MYO5A: variants seen among roughly 807,000 people sequenced by gnomAD.
MYO5A encodes the protein myosin VA.
Under a neutral mutation model 249.7 loss-of-function variants are expected in MYO5A, and 98 were observed. The ratio of observed to expected loss-of-function variants is 0.39; its 90% CI spans 0.33 to 0.46. The LOEUF (loss-of-function observed/expected upper bound fraction) is 0.46. Among genes scored for constraint, MYO5A ranks in the 20% least tolerant of loss-of-function variants. The probability of loss-of-function intolerance (pLI) is 0.98; values close to 1 mark genes in which losing one functional copy is unlikely to be tolerated. For missense variants in MYO5A, 1,696 were observed against 2,308.8 expected (o/e 0.73, Z 5.44); for synonymous variants, 778 against 810.6 (o/e 0.96, Z 0.68).
chr15:52,459,835 C>G (rs2076204611), intron 1 of MYO5A, among the ~76,000 whole-genome samples: 1 of 141,742 alleles, frequency 7.1e-6, no homozygotes, highest in Non-Finnish European at 1.5e-5. Context: ...GCAGAGGGGC[C>G]CCCGATCTCC....
At chr15:52,481,898 G>A (rs1161131465) in intron 1 of MYO5A, among the ~76,000 whole-genome samples, 2 of 152,218 alleles carry the variant, frequency 1.3e-5, no homozygotes, top group Non-Finnish European at 2.9e-5. Flanking sequence ...ATGTGGTTAT[G>A]CATGTTGGAC....
chr15:52,478,628 G>C (rs1333926538), intron 1 of MYO5A, among the ~76,000 whole-genome samples: 1 of 152,170 alleles, frequency 6.6e-6, no homozygotes, highest in African/African-American at 2.4e-5. Flanking sequence ...CTGGCATTAA[G>C]TTCTTCAGCT....
chr15:52,499,708 C>A (rs111488678), intron 1 of MYO5A, among the ~76,000 whole-genome samples: 2 of 152,126 alleles, frequency 1.3e-5, no homozygotes, highest in African/African-American at 4.8e-5. Context: ...TATAAATACA[C>A]GACATTTTGT....
chr15:52,509,875 C>T (rs1429634414), intron 1 of MYO5A, among the ~76,000 whole-genome samples: 4 of 151,568 alleles, frequency 2.6e-5, no homozygotes, highest in South Asian at 2.1e-4. Context: ...GTGCCATTCT[C>T]CTTCTCTAAT....
chr15:52,426,317 G>GTT (rs33984064), intron 3 of MYO5A, among the ~76,000 whole-genome samples: 13 of 141,736 alleles, frequency 9.2e-5, no homozygotes, highest in South Asian at 4.4e-4. Flanking sequence ...CATGCAAAGA[G>GTT]TTTTTTTTTT....
intron 1 of MYO5A, among the ~76,000 whole-genome samples, chr15:52,456,187 A>C (rs1239929978): frequency 6.6e-6 from 1 of 152,188 alleles, no homozygotes; most frequent in Non-Finnish European, 1.5e-5. Flanking sequence ...CTGAAAAAGA[A>C]ATCAAGAAAT....
intron 1 of MYO5A, among the ~76,000 whole-genome samples, chr15:52,515,936 A>G (rs1454981523): frequency 6.6e-6 from 1 of 152,182 alleles, no homozygotes; most frequent in South Asian, 2.1e-4. Flanking sequence ...GAGAGAAAGG[A>G]GAATGACAGC....
chr15:52,505,178 C>A, intron 1 of MYO5A: 1 of 756,234 alleles, frequency 1.3e-6, no homozygotes, highest in East Asian at 2.4e-5. Flanking sequence ...CTCTCAGATA[C>A]AGCCAAAGCC....
chr15:52,353,823 T>C (rs758553339), intron 26 of MYO5A, 48 bp downstream of exon 26: 1 of 1,610,784 alleles, frequency 6.2e-7, no homozygotes, highest in Non-Finnish European at 8.5e-7. Flanking sequence ...ACTGCTGAAA[T>C]GGACATAAAG....
intron 14 of MYO5A, among the ~76,000 whole-genome samples, chr15:52,385,877 C>T (rs2041953274): frequency 6.6e-6 from 1 of 152,134 alleles, no homozygotes; most frequent in Admixed American, 6.5e-5. Flanking sequence ...CACACTGTCC[C>T]CACTTCAATG....
At chr15:52,376,966 G>C (rs1249993750) in intron 18 of MYO5A, among the ~76,000 whole-genome samples, 4 of 152,190 alleles carry the variant, frequency 2.6e-5, no homozygotes, top group Non-Finnish European at 5.9e-5. Context: ...AAAAACACCA[G>C]TGTGAAGAAT....
At chr15:52,440,736 G>A (rs920919360) in intron 1 of MYO5A, among the ~76,000 whole-genome samples, 2 of 152,096 alleles carry the variant, frequency 1.3e-5, no homozygotes, top group Admixed American at 1.3e-4. Context: ...GACACTTTTG[G>A]GAACAAAACT....
Position 52,391,913 on chromosome 15 carries a change from C to A in MYO5A, c.1542+17G>T. The A allele has an allele frequency of 6.2e-7, 1 of 1,611,142 alleles. No individual in the cohort carries two copies. The highest frequency in any genetic ancestry group is 1.1e-5 in the South Asian group (1 of 90,986). On this transcript the variant is annotated intron_variant, in intron 12 of 41. Transcript: ENST00000399233. ...ATCTATTTTGATAAACCAAGTACCC[C>A]AGGAAATCATACTTACCTTGCATTC...
intron 1 of MYO5A, among the ~76,000 whole-genome samples, chr15:52,466,311 G>C (rs2076351617): frequency 1.3e-5 from 2 of 152,196 alleles, no homozygotes; most frequent in Non-Finnish European, 2.9e-5. Context: ...AGCCAGAACT[G>C]AGAAATGAGT....
chr15:52,482,998 C>T (rs979353646), intron 1 of MYO5A, among the ~76,000 whole-genome samples: 22 of 152,118 alleles, frequency 1.4e-4, no homozygotes, highest in African/African-American at 5.3e-4. Context: ...GATAAGGAAC[C>T]AGAGAAGAGC....
At chr15:52,399,357 G>A (rs1042477578) in intron 9 of MYO5A, among the ~76,000 whole-genome samples, 1 of 152,104 alleles carries the variant, frequency 6.6e-6, no homozygotes, top group Non-Finnish European at 1.5e-5. Context: ...GAGTGTGGTG[G>A]TACAATCGTA....
At chr15:52,382,038 G>C (rs529854655) in intron 16 of MYO5A, among the ~76,000 whole-genome samples, 1 of 151,734 alleles carries the variant, frequency 6.6e-6, no homozygotes, top group Non-Finnish European at 1.5e-5. Context: ...GAGTAGCTGG[G>C]ATTACAGGCG....
chr15:52,427,977 C>G (rs529807114), intron 3 of MYO5A, among the ~76,000 whole-genome samples: 128 of 152,168 alleles, frequency 8.4e-4, no homozygotes, highest in Non-Finnish European at 1.5e-3. Context: ...GTGAGCAAGA[C>G]GAATCACCAC....
chr15:52,385,512 T>C (rs2041935327), intron 14 of MYO5A, among the ~76,000 whole-genome samples: 1 of 152,166 alleles, frequency 6.6e-6, no homozygotes, highest in South Asian at 2.1e-4. Flanking sequence ...AGAAGATTTC[T>C]TTATGGTGGA....
Sources: gnomAD v4.1 joint callset for allele counts (sites outside exome capture counted in the v4.1 genomes callset) on GRCh38, gnomAD v4.1.1 for gene constraint, MANE v1.5 for transcripts, NCBI Gene and HGNC (gene_info 2026-07-23, HGNC 2026-07-21) for gene names.